BLTP3B: variants seen among roughly 807,000 people sequenced by gnomAD.
BLTP3B encodes UHRF1 (ICBP90) binding protein 1-like.
At chr12:100,100,781 A>G in the BLTP3B span, among the ~76,000 whole-genome samples, 1 of 150,964 alleles carries the variant, frequency 6.6e-6, no homozygotes, top group Non-Finnish European at 1.5e-5. Context: ...CATTTTATTG[A>G]TATCCATTCC....
the BLTP3B span, among the ~76,000 whole-genome samples, chr12:100,140,378 T>C: frequency 6.6e-6 from 1 of 151,492 alleles, no homozygotes; most frequent in African/African-American, 2.4e-5. Flanking sequence ...ACACTATTTA[T>C]CACACAGCTA....
At chr12:100,040,093 TATTAG>T in the BLTP3B span, among the ~76,000 whole-genome samples, 2 of 152,208 alleles carry the variant, frequency 1.3e-5, no homozygotes, top group African/African-American at 4.8e-5. Context: ...AAAGGCTTAT[TATTAG>T]ATTAACTAAT....
the BLTP3B span, chr12:100,037,462 C>G: frequency 7.2e-7 from 1 of 1,387,512 alleles, no homozygotes; most frequent in African/African-American, 1.5e-5. Context: ...GATTGTAATG[C>G]CCGTACTAAT....
the BLTP3B span, among the ~76,000 whole-genome samples, chr12:100,054,739 G>T: frequency 1.3e-5 from 2 of 152,112 alleles, no homozygotes; most frequent in Non-Finnish European, 2.9e-5. Context: ...TTTTGTTTAT[G>T]TATGGTACAC....
the BLTP3B span, among the ~76,000 whole-genome samples, chr12:100,075,306 G>A: frequency 2.0e-5 from 3 of 151,820 alleles, no homozygotes; most frequent in South Asian, 2.1e-4. Context: ...CACCACGCCC[G>A]GCTACACCTT....
the BLTP3B span, among the ~76,000 whole-genome samples, chr12:100,061,485 G>A: frequency 1.2e-4 from 18 of 151,924 alleles, no homozygotes; most frequent in Non-Finnish European, 2.2e-4. Flanking sequence ...GTGAAACCCC[G>A]TCTCTACTAA....
chr12:100,058,505 A>G, the BLTP3B span: 1 of 1,613,478 alleles, frequency 6.2e-7, no homozygotes, highest in South Asian at 1.1e-5. Context: ...TATGATTAAC[A>G]GTTACACTTC....
At chr12:100,044,161 CAG>C in the BLTP3B span, among the ~76,000 whole-genome samples, 4 of 152,012 alleles carry the variant, frequency 2.6e-5, no homozygotes, top group African/African-American at 7.3e-5. Flanking sequence ...GAGGGCTGGG[CAG>C]AGTCTTCTCA....
At chr12:100,098,599 T>G in the BLTP3B span, 1 of 1,508,756 alleles carries the variant, frequency 6.6e-7, no homozygotes, top group Non-Finnish European at 8.9e-7. Context: ...TTAAAAATTC[T>G]ATTAATATTT....
chr12:100,045,416 T>C, the BLTP3B span, among the ~76,000 whole-genome samples: 1 of 151,906 alleles, frequency 6.6e-6, no homozygotes, highest in East Asian at 1.9e-4. Flanking sequence ...GCCTGACAAA[T>C]AACACCACAC....
the BLTP3B span, chr12:100,058,798 G>C: frequency 6.2e-7 from 1 of 1,613,972 alleles, no homozygotes; most frequent in Non-Finnish European, 8.5e-7. Context: ...AGGAAAAGTA[G>C]AAGCAGATAC....
the BLTP3B span, among the ~76,000 whole-genome samples, chr12:100,101,437 T>A: frequency 1.3e-5 from 2 of 152,190 alleles, no homozygotes; most frequent in African/African-American, 4.8e-5. Flanking sequence ...ATCAATTGTT[T>A]TACATAACAC....
the BLTP3B span, among the ~76,000 whole-genome samples, chr12:100,041,405 A>G: frequency 6.7e-6 from 1 of 149,150 alleles, no homozygotes; most frequent in Non-Finnish European, 1.5e-5. Flanking sequence ...ATCAGAAACC[A>G]GACAAGGCTG....
the BLTP3B span, among the ~76,000 whole-genome samples, chr12:100,102,310 C>T: frequency 6.6e-6 from 1 of 152,026 alleles, no homozygotes; most frequent in Non-Finnish European, 1.5e-5. Flanking sequence ...CAGGGTTTCA[C>T]CGTTTTGCCC....
the BLTP3B span, chr12:100,072,909 A>T: frequency 1.5e-6 from 2 of 1,333,866 alleles, no homozygotes; most frequent in Non-Finnish European, 2.0e-6. Context: ...CTACTTACAA[A>T]ACTTTGCTAA....
At chr12:100,082,605 C>T in the BLTP3B span, among the ~76,000 whole-genome samples, 2 of 152,210 alleles carry the variant, frequency 1.3e-5, no homozygotes, top group Non-Finnish European at 2.9e-5. Context: ...CAATCTTCTG[C>T]ATATGACCAA....
At chr12:100,048,767 A>AGTGTGT in the BLTP3B span, among the ~76,000 whole-genome samples, 2 of 111,914 alleles carry the variant, frequency 1.8e-5, no homozygotes, top group African/African-American at 7.4e-5. Context: ...AGAGAGTGAG[A>AGTGTGT]GTGAGTGTGT....
At chr12:100,131,832 C>G in the BLTP3B span, among the ~76,000 whole-genome samples, 18 of 152,314 alleles carry the variant, frequency 1.2e-4, no homozygotes, top group African/African-American at 3.8e-4. Context: ...CACTGTTGCC[C>G]AGGCTGGAGT....
chr12:100,111,145 A>G, the BLTP3B span, among the ~76,000 whole-genome samples: 1 of 152,192 alleles, frequency 6.6e-6, no homozygotes, highest in Non-Finnish European at 1.5e-5. Context: ...ATATGTTGCC[A>G]GTCTTATAAA....
Sources: allele counts gnomAD v4.1 joint callset (sites outside exome capture counted in the v4.1 genomes callset), GRCh38; gene constraint gnomAD v4.1.1; transcripts MANE v1.5; gene names NCBI Gene and HGNC (gene_info 2026-07-23, HGNC 2026-07-21).